The following EFCAB7 variants were observed in gnomAD, a reference collection of about 807,000 sequenced individuals.
EFCAB7 encodes EF-hand calcium-binding domain-containing protein 7.
Under a neutral mutation model 77.1 loss-of-function variants are expected in EFCAB7, and 66 were observed. That is an observed-to-expected ratio of 0.86 (90% confidence interval 0.70 to 1.05). EFCAB7 has a LOEUF of 1.05. Ranked by LOEUF, EFCAB7 falls within the 50% of genes least tolerant of loss-of-function variation. The pLI is 0.00. For missense variants in EFCAB7, 638 were observed against 730.5 expected, an observed-to-expected ratio of 0.87 and a Z score of 1.46; for synonymous variants, 225 against 243.3, an observed-to-expected ratio of 0.92 and a Z score of 0.70.
At chr1:63,553,663 G>A (rs555217599) in intron 8 of EFCAB7, among the ~76,000 whole-genome samples, 2 of 152,168 alleles carry the variant, frequency 1.3e-5, no homozygotes, top group South Asian at 4.1e-4. Flanking sequence ...AATGACTTTC[G>A]GTTATATTGG....
intron 10 of EFCAB7, among the ~76,000 whole-genome samples, chr1:63,560,472 T>A (rs1647083723): frequency 1.3e-5 from 2 of 151,976 alleles, no homozygotes; most frequent in African/African-American, 4.8e-5. Context: ...GCATTTATTT[T>A]TTCCCCTTGA....
At chr1:63,543,725 G>A (rs1277036791) in intron 6 of EFCAB7, among the ~76,000 whole-genome samples, 1 of 152,070 alleles carries the variant, frequency 6.6e-6, no homozygotes, top group African/African-American at 2.4e-5. Flanking sequence ...CATTTATGAT[G>A]TTATTATTAT....
rs1001799468 is a variant in EFCAB7 at position 63,552,398 on chromosome 1, A to AT, written c.1056+572dup. Among the ~76,000 whole-genome samples, 12 of 152,102 alleles carry AT rather than the reference A, an allele frequency of 7.9e-5. No homozygotes were observed. In the South Asian group the frequency reaches 1.7e-3, roughly 21 times the overall value. ...CAATAAAAAAGGTTGATGCCAGTAC[A>AT]TTTTTTTTCCCTAAATGCAAGCAAT... On this transcript the variant is annotated intron_variant, in intron 8 of 13. Coordinates refer to ENST00000371088, the MANE Select transcript of EFCAB7 (RefSeq NM_032437.4).
At chr1:63,550,889 G>A (rs150549251) in intron 7 of EFCAB7, among the ~76,000 whole-genome samples, 1 of 152,144 alleles carries the variant, frequency 6.6e-6, no homozygotes, top group East Asian at 1.9e-4. Context: ...CAACTGGAAA[G>A]ACTGAGTTAC....
intron 10 of EFCAB7, among the ~76,000 whole-genome samples, chr1:63,557,765 A>G (rs774390894): frequency 8.5e-5 from 13 of 152,254 alleles, no homozygotes; most frequent in Non-Finnish European, 1.8e-4. Context: ...AATCACTGAG[A>G]ATGAGGCAAA....
intron 11 of EFCAB7, among the ~76,000 whole-genome samples, chr1:63,565,071 G>A (rs1396319716): frequency 1.3e-5 from 2 of 152,342 alleles, no homozygotes; most frequent in Non-Finnish European, 2.9e-5. Flanking sequence ...CTAGGGCTGG[G>A]TGTGATGGCT....
At chr1:63,547,411 G>A (rs930344911) in intron 7 of EFCAB7, 3 of 152,196 alleles carry the variant, frequency 2.0e-5, no homozygotes, top group Middle Eastern at 3.2e-3. Flanking sequence ...AAATGACATG[G>A]TATGTAGGAA....
chr1:63,538,897 A>C (rs1233471112), intron 6 of EFCAB7, among the ~76,000 whole-genome samples: 2 of 152,150 alleles, frequency 1.3e-5, no homozygotes, highest in Non-Finnish European at 2.9e-5. Flanking sequence ...TATTACACTG[A>C]AGTTTGGTTG....
rs376406994 is a variant in EFCAB7, at chr1:63,545,108, AG to A, written c.805-805del. ...TAAATTTTGTATTTTTAGTAGAGAC[AG>A]GGTTTCACCATGTTGGCCAGCCTGG... On this transcript the variant is annotated intron_variant, in intron 6 of 13. Transcript: ENST00000371088. 3.9e-3 allele frequency among the ~76,000 whole-genome samples: 584 copies of A among 150,254 alleles called. 3 individuals are homozygous for A. Among genetic ancestry groups the A allele is most frequent in the African/African-American group, 0.013 (522 of 40,910 alleles).
downstream of EFCAB7, among the ~76,000 whole-genome samples, chr1:63,573,240 G>A (rs1298525982): frequency 6.6e-6 from 1 of 152,142 alleles, no homozygotes; most frequent in Non-Finnish European, 1.5e-5. Context: ...ATTAGGGGTG[G>A]CGTGGGAACC....
intron 10 of EFCAB7, among the ~76,000 whole-genome samples, chr1:63,557,975 C>CTT (rs1557684897): frequency 6.6e-6 from 1 of 152,118 alleles, no homozygotes; most frequent in East Asian, 1.9e-4. Flanking sequence ...TTAAAATGGT[C>CTT]TAAGCTTGGC....
chr1:63,570,577 T>C (rs1647230520), intron 12 of EFCAB7: 1 of 152,768 alleles, frequency 6.5e-6, no homozygotes, highest in African/African-American at 2.4e-5. Context: ...CAATGCCTGA[T>C]ACAAAGTTGA....
Position 63,557,003 on chromosome 1 carries a change from ACT to A in EFCAB7, c.1215-109_1215-108del, listed in dbSNP as rs1647038838. On this transcript the variant is annotated intron_variant, in intron 9 of 13. Coordinates refer to ENST00000371088, the MANE Select transcript of EFCAB7 (RefSeq NM_032437.4). ...CAGTGAGCCGAGATCACGCCACTGC[ACT>A]CCAGCCTGGGTGACAGAGTGAGACT... The A allele has an allele frequency of 9.4e-6, 8 of 850,344 alleles. No individual in the cohort carries two copies. In the South Asian group the frequency reaches 1.4e-4, roughly 15 times the overall value. 52.7% of individuals were successfully genotyped at this position (850,344 alleles called of 1,614,324 possible). A position where few individuals can be genotyped will look rare whatever the true frequency, so the allele number is the denominator to read the frequency against.
intron 11 of EFCAB7, among the ~76,000 whole-genome samples, chr1:63,562,208 C>G (rs1484243431): frequency 1.3e-5 from 2 of 151,712 alleles, no homozygotes; most frequent in Non-Finnish European, 2.9e-5. Flanking sequence ...TAAAGGCTCT[C>G]TTAGAATAAG....
chr1:63,547,970 A>C (rs1341473032), intron 7 of EFCAB7: 1 of 152,274 alleles, frequency 6.6e-6, no homozygotes, highest in Non-Finnish European at 1.5e-5. Context: ...CTGGGGAAAT[A>C]GACTTGATCT....
At chr1:63,532,172 C>T (rs1646705743) in intron 3 of EFCAB7, 141 bp downstream of exon 3, 3 of 667,374 alleles carry the variant, frequency 4.5e-6, no homozygotes, top group Admixed American at 3.1e-5. Flanking sequence ...TTATAACGTA[C>T]TTAGGAATCC....
chr1:63,580,130 A>G, the EFCAB7 span, among the ~76,000 whole-genome samples: 2 of 152,182 alleles, frequency 1.3e-5, no homozygotes, highest in African/African-American at 4.8e-5. Flanking sequence ...TCAAGTTAGA[A>G]GTCGTTGTCT....
chr1:63,525,479 C>CTTGA, intron 1 of EFCAB7, 93 bp from the exon 2 acceptor site: 1 of 1,052,172 alleles, frequency 9.5e-7, no homozygotes, highest in African/African-American at 1.7e-5. Context: ...TGTATAAAAT[C>CTTGA]TTGATTCTCC....
At chr1:63,531,243 A>G (rs927381363) in intron 2 of EFCAB7, among the ~76,000 whole-genome samples, 2 of 151,920 alleles carry the variant, frequency 1.3e-5, no homozygotes, top group Admixed American at 1.3e-4. Flanking sequence ...TAGGATATTA[A>G]CTTTTTTTTT....
Sources: gnomAD v4.1 joint callset for allele counts (sites outside exome capture counted in the v4.1 genomes callset) on GRCh38, gnomAD v4.1.1 for gene constraint, MANE v1.5 for transcripts, NCBI Gene and HGNC (gene_info 2026-07-23, HGNC 2026-07-21) for gene names.